RGS7: variants seen among roughly 807,000 people sequenced by gnomAD.
RGS7 encodes regulator of G-protein signaling 7.
A neutral mutation model predicts 81.1 loss-of-function variants in RGS7; 27 were observed. The ratio of observed to expected loss-of-function variants is 0.33; its 90% CI spans 0.25 to 0.46. RGS7 has a LOEUF of 0.46. RGS7 is among the 20% of genes least tolerant of loss of function. The pLI, the probability that RGS7 is intolerant of heterozygous loss-of-function variation, is 1.00. For missense variants in RGS7, 396 were observed against 607.4 expected (o/e 0.65, Z 3.66); for synonymous variants, 208 against 207.7 (o/e 1.00, Z -0.01).
intron 18 of RGS7, among the ~76,000 whole-genome samples, chr1:240,797,699 A>G (rs12022939): frequency 0.53 from 80,417 of 152,072 alleles, 23,640 homozygotes; most frequent in Non-Finnish European, 0.66. Context: ...AGATTTGATG[A>G]TGGTGATGAA....
At chr1:240,784,637 C>T (rs1684754295) in intron 18 of RGS7, among the ~76,000 whole-genome samples, 1 of 150,266 alleles carries the variant, frequency 6.7e-6, no homozygotes, top group Non-Finnish European at 1.5e-5. Context: ...CAGAATAAGA[C>T]TCCGCCTCAA....
chr1:241,353,071 A>G (rs2083346963), intron 2 of RGS7, among the ~76,000 whole-genome samples: 1 of 152,234 alleles, frequency 6.6e-6, no homozygotes, highest in Non-Finnish European at 1.5e-5. Context: ...GCATGAGTCA[A>G]TAGAACAGCA....
chr1:240,855,085 A>T (rs1660823345), intron 9 of RGS7, among the ~76,000 whole-genome samples: 1 of 152,128 alleles, frequency 6.6e-6, no homozygotes, highest in Non-Finnish European at 1.5e-5. Flanking sequence ...AATATCCCAG[A>T]ATAGTTACAA....
intron 2 of RGS7, among the ~76,000 whole-genome samples, chr1:241,262,436 C>T (rs1205831040): frequency 1.3e-5 from 2 of 152,104 alleles, no homozygotes; most frequent in African/African-American, 4.8e-5. Flanking sequence ...AAAAAAGATG[C>T]CAGAAGTTCA....
intron 2 of RGS7, among the ~76,000 whole-genome samples, chr1:241,218,418 C>T (rs942716946): frequency 2.0e-5 from 3 of 152,192 alleles, no homozygotes; most frequent in Non-Finnish European, 4.4e-5. Context: ...ATAATTAACA[C>T]ACAGTGCCTA....
chr1:240,961,182 C>G lies in RGS7; in HGVS notation c.226+21897G>C, dbSNP rs1285497871. 2.6e-5 allele frequency among the ~76,000 whole-genome samples: 4 copies of G among 152,070 alleles called. No homozygotes were observed. The South Asian group carries it at 6.2e-4, about 24-fold the overall frequency. ...ATTAGAAAAAAAAAGAGCAAAGTTG[C>G]TGGAAGAAATAATGGCATCAAAAAA... On this transcript the variant is annotated intron_variant, in intron 4 of 18. Transcript: ENST00000440928.
rs201770300 is a variant in RGS7 at position 241,133,928 on chromosome 1, GA to G, written c.79-35167del. Among the ~76,000 whole-genome samples, 66 of 152,246 alleles carry G rather than the reference GA, an allele frequency of 4.3e-4. 1 individual carries two copies. The East Asian group carries it at 0.01, about 23-fold the overall frequency. On this transcript the variant is annotated intron_variant, in intron 2 of 18. Coordinates refer to ENST00000440928, the MANE Select transcript of RGS7 (RefSeq NM_001364886.1). ...TCACAATAAGAAACAGGGAGAGAGA[GA>G]GGCAGAGGGAGAGAAAGAGAGAGAG...
At chr1:241,000,926 G>A (rs981725046) in intron 3 of RGS7, among the ~76,000 whole-genome samples, 1 of 151,416 alleles carries the variant, frequency 6.6e-6, no homozygotes, top group African/African-American at 2.4e-5. Flanking sequence ...CAAAGTGTTG[G>A]GGTTACAGGT....
intron 3 of RGS7, among the ~76,000 whole-genome samples, chr1:241,065,161 A>C (rs2148847481): frequency 6.6e-6 from 1 of 151,702 alleles, no homozygotes. Flanking sequence ...TGGGGACAAT[A>C]GCAAAAAATA....
chr1:240,790,364 G>A (rs1685782677), intron 18 of RGS7, among the ~76,000 whole-genome samples: 3 of 151,994 alleles, frequency 2.0e-5, no homozygotes, highest in Admixed American at 2.0e-4. Context: ...TGTTGCCCAG[G>A]CTGATCTTGA....
At position 240,923,424 on chromosome 1, in the gene RGS7, G is replaced by A. The variant is rs1019288984; in HGVS notation, c.385+7293C>T. ...AGGGGAACGTATAGGTGGTACTGAG[G>A]CATTTTGTTGGAACTCTCTGCATAT... On this transcript the variant is annotated intron_variant, in intron 6 of 18. Coordinates refer to ENST00000440928, the MANE Select transcript of RGS7 (RefSeq NM_001364886.1). 3.9e-5 allele frequency among the ~76,000 whole-genome samples: 6 copies of A among 152,006 alleles called. 1 individual carries two copies. In the East Asian group the frequency reaches 1.2e-3, roughly 29 times the overall value.
At chr1:241,226,474 C>T (rs1159112372) in intron 2 of RGS7, among the ~76,000 whole-genome samples, 1 of 152,128 alleles carries the variant, frequency 6.6e-6, no homozygotes, top group Non-Finnish European at 1.5e-5. Context: ...ACACATTCTT[C>T]CTTCATACAG....
At chr1:241,152,242 T>C (rs905406421) in intron 2 of RGS7, among the ~76,000 whole-genome samples, 1 of 151,840 alleles carries the variant, frequency 6.6e-6, no homozygotes, top group Non-Finnish European at 1.5e-5. Context: ...CTCTTAACTG[T>C]AACTCTGGAA....
intron 9 of RGS7, among the ~76,000 whole-genome samples, chr1:240,827,864 C>CAAAAAAAAAAAAAAAAAAAAAAAAAAAA (rs57562408): frequency 1.9e-5 from 1 of 52,864 alleles, no homozygotes; most frequent in African/African-American, 5.2e-5. Flanking sequence ...AACTCCATTG[C>CAAAAAAAAAAAAAAAAAAAAAAAAAAAA]AAAAAAAAAA....
chr1:240,830,008 CGAA>C (rs758493441), intron 9 of RGS7, among the ~76,000 whole-genome samples: 3 of 151,878 alleles, frequency 2.0e-5, no homozygotes, highest in Non-Finnish European at 4.4e-5. Context: ...GGAAGAAACT[CGAA>C]GAAGAAGAGG....
chr1:241,265,504 T>A (rs1376914959), intron 2 of RGS7, among the ~76,000 whole-genome samples: 3 of 152,128 alleles, frequency 2.0e-5, no homozygotes, highest in Non-Finnish European at 4.4e-5. Flanking sequence ...CCAGAGGCAG[T>A]CTTATGAGAT....
chr1:241,091,497 G>T (rs970080749), intron 3 of RGS7, among the ~76,000 whole-genome samples: 3 of 150,636 alleles, frequency 2.0e-5, no homozygotes, highest in Non-Finnish European at 4.4e-5. Context: ...GCAGTGAGCT[G>T]AGATCACGCC....
At chr1:240,877,260 A>T (rs1337704631) in intron 6 of RGS7, among the ~76,000 whole-genome samples, 2 of 150,212 alleles carry the variant, frequency 1.3e-5, no homozygotes, top group African/African-American at 4.9e-5. Flanking sequence ...AATATACAGT[A>T]AATATATATG....
intron 3 of RGS7, among the ~76,000 whole-genome samples, chr1:241,029,811 G>C (rs1045033175): frequency 2.0e-5 from 3 of 152,186 alleles, no homozygotes; most frequent in Non-Finnish European, 2.9e-5. Flanking sequence ...CATTAGATCT[G>C]ATGTAAACAA....
Sources: gnomAD v4.1 joint callset for allele counts (sites outside exome capture counted in the v4.1 genomes callset) on GRCh38, gnomAD v4.1.1 for gene constraint, MANE v1.5 for transcripts, NCBI Gene and HGNC (gene_info 2026-07-23, HGNC 2026-07-21) for gene names.